The following SQSTM1 variants were observed in gnomAD, a reference collection of about 807,000 sequenced individuals.
SQSTM1 encodes sequestosome 1, also known as sequestosome-1.
SQSTM1 carries 36 observed loss-of-function variants against 45.1 expected under a neutral mutation model. The observed-to-expected ratio is 0.80, with a 90% confidence interval of 0.61 to 1.05. SQSTM1 has a LOEUF of 1.05. Among genes scored for constraint, SQSTM1 ranks in the 50% least tolerant of loss-of-function variants. SQSTM1 has a pLI of 0.00. For missense variants in SQSTM1, 617 were observed against 607.1 expected (o/e 1.02, Z -0.17); for synonymous variants, 290 against 244.3 (o/e 1.19, Z -1.74).
At position 179,824,051 on chromosome 5, in the gene SQSTM1, G is replaced by A. The variant is rs1757895454; in HGVS notation, c.495G>A (p.Lys165=). The A allele has an allele frequency of 1.2e-6, 2 of 1,613,974 alleles. No individual in the cohort carries two copies. Among genetic ancestry groups the A allele is most frequent in the South Asian group, 2.2e-5 (2 of 91,092 alleles). The change falls in exon 3 of 8, where the codon AAG becomes AAA. Residue 165 remains lysine, a synonymous_variant. Transcript: ENST00000389805. ...EGKGLHRGHT[K]LAFPSPFGHL... ...AGGGCTTGCACCGGGGGCACACCAA[G>A]CTCGCATTCCCCAGCCCCTTCGGGC... is the stretch of plus-strand genomic sequence containing the variant.
Position 179,806,423 on chromosome 5 carries a change from G to C in SQSTM1, c.-325G>C, listed in dbSNP as rs910040159. On this transcript the variant is annotated 5_prime_UTR_variant, in exon 1 of 6. Transcript: ENST00000514093. The surrounding 1 kb of genome is among the most constrained non-coding windows in gnomAD (Gnocchi z 4.6). ...CCGGCCGCCTTCCGCGGCCACCGCC[G>C]GGCCCGCTCCCGCCGCCGACGCCCA... The C allele has an allele frequency of 7.6e-6, 8 of 1,047,918 alleles. No individual in the cohort carries two copies. Among genetic ancestry groups the C allele is most frequent in the South Asian group, 7.4e-5 (2 of 26,862 alleles). The allele number at this position is 1,047,918 out of a possible 1,614,324, so 64.9% of individuals were successfully genotyped here.
At chr5:179,820,714 A>C, upstream of SQSTM1, 1 of 469,138 alleles carries the variant, frequency 2.1e-6, no homozygotes, top group Non-Finnish European at 3.7e-6. Context: ...GGGGTCAGCA[A>C]TGAGGGGGCC....
At chr5:179,827,351 G>A (rs192503377) in intron 5 of SQSTM1, among the ~76,000 whole-genome samples, 206 of 152,266 alleles carry the variant, frequency 1.4e-3, no homozygotes, top group African/African-American at 4.8e-3. Context: ...GCCCAGGCTG[G>A]AGTGCAGTGG....
chr5:179,833,044 A>T lies in SQSTM1; in HGVS notation c.767A>T (p.Asp256Val). ...AALSPLGIEVDIDVEHGGKRS... is the reference protein window; with the variant it reads ...AALSPLGIEVVIDVEHGGKRS... The stretch of plus-strand genomic sequence containing the variant: ...CCTCCGCCTCTAGGCATTGAAGTTG[A>T]TATCGATGTGGAGCACGGAGGGAAA... Residue 256 changes from aspartate (D) to valine (V), a missense_variant, in exon 6 of 8, where the codon GAT (aspartate) becomes GTT (valine). Transcript: ENST00000389805. 1.2e-5 allele frequency: 20 copies of T among 1,614,094 alleles called. No homozygotes were observed. The highest frequency in any genetic ancestry group is 1.6e-5 in the Non-Finnish European group (19 of 1,180,002).
chr5:179,814,963 GT>G (rs1757537802), upstream of SQSTM1, among the ~76,000 whole-genome samples: 1 of 152,210 alleles, frequency 6.6e-6, no homozygotes, highest in Non-Finnish European at 1.5e-5. Context: ...CATAAAAGAT[GT>G]GCTACGTGTG....
Position 179,837,544 on chromosome 5 carries a change from T to C in SQSTM1, c.*951T>C, listed in dbSNP as rs776215636. 5 of 1,614,194 alleles carry C rather than the reference T, an allele frequency of 3.1e-6. No individual in the cohort carries two copies. Among genetic ancestry groups the C allele is most frequent in the African/African-American group, 1.3e-5 (1 of 75,060 alleles). ...TCCCGCAAGGCCTCTCAGACCCAGA[T>C]GTGACGGGGTGTGTGGCCCGAGGAA... On this transcript the variant is annotated 3_prime_UTR_variant, in exon 8 of 8. Transcript: ENST00000389805.
chr5:179,814,875 TC>T (rs1475942172), upstream of SQSTM1, among the ~76,000 whole-genome samples: 1 of 152,018 alleles, frequency 6.6e-6, no homozygotes, highest in African/African-American at 2.4e-5. Context: ...TGATCCATGA[TC>T]ATACCACGGC....
chr5:179,815,710 T>G (rs1439311479), upstream of SQSTM1, among the ~76,000 whole-genome samples: 1 of 152,168 alleles, frequency 6.6e-6, no homozygotes, highest in African/African-American at 2.4e-5. Flanking sequence ...TTGGCCAAGC[T>G]TTGGCCATGG....
Position 179,806,444 on chromosome 5 carries a change from G to A in SQSTM1, c.-304G>A. ...CGCCGGGCCCGCTCCCGCCGCCGAC[G>A]CCCAGGTGCGCCAGGTGCGGGCCGG... is the stretch of plus-strand genomic sequence containing the variant. On this transcript the variant is annotated 5_prime_UTR_variant, in exon 1 of 6. Transcript: ENST00000514093. This position sits in a 1 kb window ranked among gnomAD's most constrained non-coding sequence, Gnocchi z 4.6. The A allele has an allele frequency of 2.6e-6, 3 of 1,170,370 alleles. No homozygotes were observed. In the South Asian group the frequency reaches 7.1e-5, roughly 28 times the overall value. The allele number at this position is 1,170,370 out of a possible 1,614,324, so 72.5% of individuals were successfully genotyped here.
At chr5:179,827,550 C>T (rs927460226) in intron 5 of SQSTM1, among the ~76,000 whole-genome samples, 3 of 152,232 alleles carry the variant, frequency 2.0e-5, no homozygotes, top group Admixed American at 6.5e-5. Flanking sequence ...TCCCCAAGTG[C>T]TGGGATTACA....
rs765194020 is a variant in SQSTM1, at chr5:179,837,827, T to A, written c.*1234T>A. ...CTCCCCGGCACTGCAGTCTGCAGAG[T>A]TCTCCTGGAGGCAGGGGCTGCTGCC... On this transcript the variant is annotated 3_prime_UTR_variant, in exon 8 of 8. Transcript: ENST00000389805. The A allele has an allele frequency of 2.5e-6, 4 of 1,613,132 alleles. No homozygotes were observed. Among genetic ancestry groups the A allele is most frequent in the Non-Finnish European group, 3.4e-6 (4 of 1,180,016 alleles).
At chr5:179,828,431 T>C (rs35174311) in intron 5 of SQSTM1, among the ~76,000 whole-genome samples, 8,225 of 145,930 alleles carry the variant, frequency 0.056, 271 homozygotes, top group Middle Eastern at 0.13. Context: ...TGGAGTGCAA[T>C]GGTGTGATCT....
intron 1 of SQSTM1, chr5:179,821,659 C>T (rs1008005298): frequency 2.5e-6 from 1 of 400,068 alleles, no homozygotes; most frequent in Non-Finnish European, 5.0e-6. Context: ...AGCGCCGCGA[C>T]AGCGCCTGGG....
upstream of SQSTM1, among the ~76,000 whole-genome samples, chr5:179,816,737 C>T (rs1194687902): frequency 1.3e-5 from 2 of 152,176 alleles, no homozygotes; most frequent in Non-Finnish European, 2.9e-5. Context: ...CGCCTGGACC[C>T]TTCCGGGGTC....
intron 5 of SQSTM1, among the ~76,000 whole-genome samples, chr5:179,826,704 G>T (rs11949677): frequency 1.1e-4 from 16 of 151,174 alleles, no homozygotes; most frequent in African/African-American, 3.9e-4. Context: ...AGGTTCAAGC[G>T]ATTCTCCTGC....
chr5:179,835,877 GTATA>G (rs1358489570), intron 7 of SQSTM1: 1 of 197,896 alleles, frequency 5.1e-6, no homozygotes, highest in African/African-American at 2.3e-5. Context: ...ATTCCATGGT[GTATA>G]TATACCACAT....
intron 5 of SQSTM1, among the ~76,000 whole-genome samples, chr5:179,832,793 CTCTGACTCATGGGTTTGTATCG>C (rs1758287244): frequency 6.6e-6 from 1 of 152,132 alleles, no homozygotes; most frequent in Admixed American, 6.5e-5. Context: ...GGGGAGAAGC[CTCTGACTCATGGGTTTGTATCG>C]TCTGGTCCCA....
chr5:179,819,096 G>A (rs1393861184), upstream of SQSTM1: 1 of 152,396 alleles, frequency 6.6e-6, no homozygotes, highest in Non-Finnish European at 1.5e-5. Flanking sequence ...TTACGACAGC[G>A]GTCATGGGAC....
chr5:179,821,005 C>T lies in SQSTM1; in HGVS notation c.69C>T (p.Phe23=), dbSNP rs766419538. The T allele has an allele frequency of 1.3e-6, 2 of 1,573,676 alleles. No individual in the cohort carries two copies. The highest frequency in any genetic ancestry group is 1.7e-6 in the Non-Finnish European group (2 of 1,169,320). ...ACGCGGCGCGCGAGATTCGCCGCTT[C>T]AGCTTCTGCTGCAGCCCCGAGCCTG... ...KEDAAREIRR[F]SFCCSPEPEA... The change falls in exon 1 of 8, where the codon TTC becomes TTT. Residue 23 remains phenylalanine, a synonymous_variant. Transcript: ENST00000389805.
Sources: gnomAD v4.1 joint callset for allele counts (sites outside exome capture counted in the v4.1 genomes callset) on GRCh38, gnomAD v4.1.1 for gene constraint, Gnocchi (gnomAD v3.1) non-coding constraint, MANE v1.5 for transcripts, NCBI Gene and HGNC (gene_info 2026-07-23, HGNC 2026-07-21) for gene names.